SYNE2: variants seen among roughly 807,000 people sequenced by gnomAD.
SYNE2 encodes the protein spectrin repeat containing nuclear envelope protein 2.
A neutral mutation model predicts 856.3 loss-of-function variants in SYNE2; 431 were observed. The observed-to-expected ratio is 0.50, with a 90% CI of 0.47 to 0.55. SYNE2 has a LOEUF of 0.55. Among genes scored for constraint, SYNE2 ranks in the 20% least tolerant of loss-of-function variants. The pLI is 0.00. For synonymous variants in SYNE2, 2,923 were observed against 2,872.3 expected, an observed-to-expected ratio of 1.02 and a Z score of -0.56; for missense variants, 8,129 against 8,023.2, an observed-to-expected ratio of 1.01 and a Z score of -0.50.
At position 63,983,709 on chromosome 14, in the gene SYNE2, T is replaced by G. The variant is rs764286080; in HGVS notation, c.2002-28T>G. On this transcript the variant is annotated intron_variant, in intron 17 of 115. Transcript: ENST00000555002. ...TTAGCATAAAATAAAAATATGAGTA[T>G]TACATTTCATGAAATTATTTTGTAT... 8.6e-5 allele frequency: 135 copies of G among 1,577,906 alleles called. No homozygotes were observed. In the Middle Eastern group the frequency reaches 1.0e-3, roughly 12 times the overall value.
chr14:63,814,466 T>TCATATGTAATATATATGTC lies in SYNE2; in HGVS notation c.-304-38030_-304-38029insGTAATATATATGTCCATAT, dbSNP rs1555340965. On this transcript the variant is annotated intron_variant, in intron 1 of 23. Transcript: ENST00000674003. ...TATATATAATATATATCCTTATATA[T>TCATATGTAATATATATGTC]CATATATAATATATATCCTTATATA... is the stretch of plus-strand genomic sequence containing the variant. Among the ~76,000 whole-genome samples, 3 of 132,620 alleles carry TCATATGTAATATATATGTC rather than the reference T, an allele frequency of 2.3e-5. No individual in the cohort carries two copies. In the East Asian group the frequency reaches 6.3e-4, roughly 28 times the overall value. The allele number at this position is 132,620 out of a possible 152,430, so 87.0% of individuals were successfully genotyped here. A position where few individuals can be genotyped will look rare whatever the true frequency, so the allele number is the denominator to read the frequency against.
chr14:64,053,354 A>C lies in SYNE2; in HGVS notation c.9441A>C (p.Lys3147Asn). ...ACATGGTATTAGAACTCTCACCAAA[A>C]GAATTGGATGAAAAGAATTGTCAGG... ...LQNMVLELSP[K>N]ELDEKNCQDK... Residue 3147 changes from lysine to asparagine, a missense_variant, in exon 48 of 116, where the codon AAA becomes AAC. This residue lies in a region of SYNE2 where 5,410 missense variants were observed against 5,284.8 expected (regional missense o/e 1.02). Transcript: ENST00000555002. 6.2e-7 allele frequency: 1 copy of C among 1,613,514 alleles called. No individual in the cohort carries two copies. Among genetic ancestry groups the C allele is most frequent in the Non-Finnish European group, 8.5e-7 (1 of 1,179,910 alleles).
intron 1 of SYNE2, among the ~76,000 whole-genome samples, chr14:63,797,262 G>A: frequency 6.6e-6 from 1 of 151,210 alleles, no homozygotes; most frequent in African/African-American, 2.4e-5. Flanking sequence ...ATGGTGGCGT[G>A]TGCCCGTAAA....
chr14:63,902,459 C>T (rs2153328770), intron 1 of SYNE2, among the ~76,000 whole-genome samples: 1 of 146,414 alleles, frequency 6.8e-6, no homozygotes, highest in Non-Finnish European at 1.5e-5. Flanking sequence ...TAGTACTAAA[C>T]CCTGGCTTTG....
intron 57 of SYNE2, among the ~76,000 whole-genome samples, chr14:64,083,977 T>G (rs961621922): frequency 2.0e-5 from 3 of 151,462 alleles, no homozygotes; most frequent in Non-Finnish European, 4.4e-5. Flanking sequence ...CAGCCTGGAG[T>G]GCAATGGTGC....
intron 84 of SYNE2, among the ~76,000 whole-genome samples, chr14:64,149,077 G>C (rs998354505): frequency 4.6e-5 from 7 of 151,504 alleles, no homozygotes; most frequent in Admixed American, 6.6e-5. Flanking sequence ...GGAGGCTAAG[G>C]CAGAAGGATC....
intron 2 of SYNE2, among the ~76,000 whole-genome samples, chr14:63,914,363 C>A (rs2095510778): frequency 6.6e-6 from 1 of 152,170 alleles, no homozygotes; most frequent in African/African-American, 2.4e-5. Flanking sequence ...AGATTAAGAT[C>A]CTTCATGGAG....
chr14:63,771,261 G>A (rs1457950023), intron 1 of SYNE2, among the ~76,000 whole-genome samples: 1 of 151,424 alleles, frequency 6.6e-6, no homozygotes, highest in Non-Finnish European at 1.5e-5. Flanking sequence ...TAGTAGAGAC[G>A]GGGTTTCACC....
chr14:64,114,821 A>G (rs1430493166), intron 66 of SYNE2, among the ~76,000 whole-genome samples: 1 of 151,898 alleles, frequency 6.6e-6, no homozygotes, highest in Non-Finnish European at 1.5e-5. Flanking sequence ...AGGTCTCACT[A>G]TATTGCCCAG....
intron 89 of SYNE2, among the ~76,000 whole-genome samples, chr14:64,164,008 C>T (rs988374774): frequency 6.6e-6 from 1 of 152,172 alleles, no homozygotes; most frequent in East Asian, 1.9e-4. Context: ...CAACCTCCAC[C>T]TCCCGGGTTC....
intron 96 of SYNE2, among the ~76,000 whole-genome samples, chr14:64,184,219 A>T (rs2098476806): frequency 6.6e-6 from 1 of 152,196 alleles, no homozygotes; most frequent in South Asian, 2.1e-4. Flanking sequence ...GCTGTGCAGC[A>T]GCACCATGGC....
At chr14:64,192,430 C>T (rs1245364781) in intron 99 of SYNE2, among the ~76,000 whole-genome samples, 1 of 152,074 alleles carries the variant, frequency 6.6e-6, no homozygotes, top group Non-Finnish European at 1.5e-5. Flanking sequence ...GCTTGTATCA[C>T]TTTGGAGTTT....
At position 63,982,645 on chromosome 14, in the gene SYNE2, C is replaced by T; in HGVS notation, c.1852C>T (p.Leu618=). 1.2e-6 allele frequency: 2 copies of T among 1,613,826 alleles called. No individual in the cohort carries two copies. Among genetic ancestry groups the T allele is most frequent in the South Asian group, 1.1e-5 (1 of 91,080 alleles). The part of the protein sequence containing the change: ...EEIKEVPFET[L]AQWNLEHATL... ...TATCATGTAGGTACCCTTTGAGACA[C>T]TAGCCCAGTGGAATCTAGAACACGC... is the stretch of plus-strand genomic sequence containing the variant. The change falls in exon 17 of 116, where the codon CTA becomes TTA. Residue 618 remains leucine, a synonymous_variant. Transcript: ENST00000555002.
chr14:64,122,478 A>C, intron 70 of SYNE2, 51 bp downstream of exon 70: 1 of 1,612,064 alleles, frequency 6.2e-7, no homozygotes, highest in Non-Finnish European at 8.5e-7. Context: ...TTGAAAATCC[A>C]ACAAGCATTC....
At chr14:63,979,986 AAG>A (rs1040497443) in intron 14 of SYNE2, among the ~76,000 whole-genome samples, 2 of 152,202 alleles carry the variant, frequency 1.3e-5, no homozygotes, top group African/African-American at 4.8e-5. Context: ...AAAAATGATA[AAG>A]AGAAATTTAC....
At chr14:63,843,633 A>G (rs1890140886) in intron 1 of SYNE2, among the ~76,000 whole-genome samples, 1 of 152,210 alleles carries the variant, frequency 6.6e-6, no homozygotes, top group Non-Finnish European at 1.5e-5. Context: ...TATCATGTTA[A>G]GGAAGTACCC....
intron 1 of SYNE2, among the ~76,000 whole-genome samples, chr14:63,774,840 T>C (rs1378472669): frequency 1.3e-5 from 2 of 152,148 alleles, no homozygotes; most frequent in Non-Finnish European, 2.9e-5. Flanking sequence ...TTTAATGAAA[T>C]GCAAGGCAGC....
At position 64,218,440 on chromosome 14, in the gene SYNE2, G is replaced by T; in HGVS notation, c.19585G>T (p.Gly6529Cys). ...LPPGTDGGKE[G>C]PRVLNGNPQQ... ...TCCAGGCACGGATGGTGGCAAAGAA[G>T]GCCCGCGAGTCCTGAATGGCAACCC... The change falls in exon 109 of 116, where the codon GGC becomes TGC. Residue 6529 changes from glycine to cysteine, a missense_variant. Transcript: ENST00000555002. The T allele has an allele frequency of 1.9e-6, 3 of 1,614,110 alleles. No individual in the cohort carries two copies. The highest frequency in any genetic ancestry group is 2.5e-6 in the Non-Finnish European group (3 of 1,180,024).
intron 23 of SYNE2, among the ~76,000 whole-genome samples, chr14:63,995,713 A>G (rs1024365861): frequency 1.4e-5 from 2 of 144,636 alleles, no homozygotes; most frequent in Non-Finnish European, 3.0e-5. Context: ...CTTGCTTTAT[A>G]TAATTCTATA....
Sources: gnomAD v4.1 joint callset for allele counts (sites outside exome capture counted in the v4.1 genomes callset) on GRCh38, gnomAD v4.1.1 for gene constraint, gnomAD v4.1.1 regional missense constraint, MANE v1.5 for transcripts, NCBI Gene and HGNC (gene_info 2026-07-23, HGNC 2026-07-21) for gene names.